CNTLN: variants seen among roughly 807,000 people sequenced by gnomAD.
CNTLN encodes centlein, centrosomal protein.
Under a neutral mutation model 180.0 loss-of-function variants are expected in CNTLN, and 212 were observed. That is an observed-to-expected ratio of 1.18 (90% confidence interval 1.05 to 1.32). The LOEUF (loss-of-function observed/expected upper bound fraction) is 1.32, where lower values mean the gene tolerates loss of function less well. Ranked by LOEUF, CNTLN falls within the 40% of genes most tolerant of loss-of-function variation. The pLI is 0.00. For synonymous variants in CNTLN, 722 were observed against 563.1 expected (o/e 1.28, Z -3.99); for missense variants, 2,095 against 1,610.9 (o/e 1.30, Z -5.14).
At chr9:17,474,270 GA>G (rs1047361351) in intron 23 of CNTLN, among the ~76,000 whole-genome samples, 61 of 151,852 alleles carry the variant, frequency 4.0e-4, no homozygotes, top group African/African-American at 1.4e-3. Context: ...CAAAAAAGTT[GA>G]AAAAAAATTA....
At chr9:17,421,883 A>G (rs1246041793) in intron 18 of CNTLN, among the ~76,000 whole-genome samples, 2 of 152,158 alleles carry the variant, frequency 1.3e-5, no homozygotes, top group African/African-American at 2.4e-5. Context: ...ACTTGATCCA[A>G]TCCCCACTTT....
At position 17,363,741 on chromosome 9, in the gene CNTLN, A is replaced by T. The variant is rs113927419; in HGVS notation, c.1887-2876A>T. ...TTCTACCTTATTTTAGCTCATTCAG[A>T]TATTGCTATGATTGCTTTAGATAAT... On this transcript the variant is annotated intron_variant, in intron 12 of 25. Transcript: ENST00000380647. Among the ~76,000 whole-genome samples, 450 of 152,134 alleles carry T rather than the reference A, an allele frequency of 3.0e-3. 4 individuals carry two copies. The highest frequency in any genetic ancestry group is 0.01 in the African/African-American group (425 of 41,524).
chr9:17,520,437 T>A, the CNTLN span, among the ~76,000 whole-genome samples: 58 of 152,348 alleles, frequency 3.8e-4, 2 homozygotes, highest in Admixed American at 8.5e-4. Flanking sequence ...AGGGAAGCTG[T>A]TCTGGCCACC....
intron 15 of CNTLN, among the ~76,000 whole-genome samples, chr9:17,408,800 TAA>T (rs71331488): frequency 7.0e-6 from 1 of 143,622 alleles, no homozygotes. Flanking sequence ...GACTCTGTCT[TAA>T]AAAAAAAAAA....
chr9:17,366,687 T>C lies in CNTLN; in HGVS notation c.1957T>C (p.Leu653=), dbSNP rs372432585. Residue 653 remains leucine (L), a synonymous_variant, in exon 13 of 26, where the codon TTG becomes CTG. Coordinates refer to ENST00000380647, the MANE Select transcript of CNTLN (RefSeq NM_017738.4). ...TATTGATAAGGCAGCAATACAAGAA[T>C]TGAATAGATGTGTGGCAGAGAGAAG... ...ISIDKAAIQE[L]NRCVAERREE... The C allele has an allele frequency of 1.9e-6, 3 of 1,585,428 alleles. No homozygotes were observed. Among genetic ancestry groups the C allele is most frequent in the African/African-American group, 1.4e-5 (1 of 73,906 alleles).
chr9:17,284,376 T>C (rs1446762599), intron 6 of CNTLN, among the ~76,000 whole-genome samples: 2 of 152,202 alleles, frequency 1.3e-5, no homozygotes, highest in Admixed American at 6.5e-5. Context: ...AATTCAGCTG[T>C]AAATCCACTG....
chr9:17,395,047 T>C lies in CNTLN; in HGVS notation c.2593T>C (p.Trp865Arg). ...GTTTGAGAACCTCAGCAAGGACGGC[T>C]GGGAGGATGTGAGTGAAAGCAGGTA... Reference protein sequence around the residue: ...NVFENLSKDGWEDVSESSSDS... With the variant: ...NVFENLSKDGREDVSESSSDS... Residue 865 changes from tryptophan to arginine, a missense_variant, in exon 15 of 26, where the codon TGG (tryptophan) becomes CGG (arginine). By Grantham distance (101) the Trp-to-Arg change is moderately radical. Transcript: ENST00000380647. 1 of 1,609,280 alleles carries C rather than the reference T, an allele frequency of 6.2e-7. No individual in the cohort carries two copies. Among genetic ancestry groups the C allele is most frequent in the Non-Finnish European group, 8.5e-7 (1 of 1,176,604 alleles).
At chr9:17,338,267 C>T (rs910595269) in intron 10 of CNTLN, among the ~76,000 whole-genome samples, 5 of 150,190 alleles carry the variant, frequency 3.3e-5, no homozygotes, top group South Asian at 2.1e-4. Flanking sequence ...TGGGTTCAAG[C>T]GATTCTCCTT....
At chr9:17,439,623 A>G (rs2134031476) in intron 18 of CNTLN, among the ~76,000 whole-genome samples, 1 of 152,380 alleles carries the variant, frequency 6.6e-6, no homozygotes, top group South Asian at 2.1e-4. Context: ...TCACAGAGCT[A>G]AACATTTTAT....
intron 2 of CNTLN, among the ~76,000 whole-genome samples, chr9:17,150,550 T>C (rs1384575861): frequency 5.3e-5 from 8 of 152,228 alleles, no homozygotes; most frequent in African/African-American, 2.4e-5. Flanking sequence ...TTGGTTACTG[T>C]AGCCTTGAAG....
chr9:17,226,128 T>G, intron 2 of CNTLN, 75 bp from the exon 3 acceptor site: 1 of 695,484 alleles, frequency 1.4e-6, no homozygotes, highest in Non-Finnish European at 2.3e-6. Flanking sequence ...AAAGTGATAT[T>G]AATATTTGGG....
intron 18 of CNTLN, among the ~76,000 whole-genome samples, chr9:17,441,451 G>C (rs151060653): frequency 6.6e-6 from 1 of 152,156 alleles, no homozygotes; most frequent in East Asian, 1.9e-4. Context: ...TGAATATTTT[G>C]TATGTGATTG....
chr9:17,261,969 T>C (rs1468295193), intron 5 of CNTLN, among the ~76,000 whole-genome samples: 1 of 151,240 alleles, frequency 6.6e-6, no homozygotes, highest in African/African-American at 2.5e-5. Context: ...CCAACAAACA[T>C]AGGAAAAAAG....
intron 5 of CNTLN, among the ~76,000 whole-genome samples, chr9:17,249,713 A>T (rs755963035): frequency 6.6e-6 from 1 of 151,482 alleles, no homozygotes; most frequent in African/African-American, 2.4e-5. Flanking sequence ...GTGGATTTCT[A>T]GCTTCATTCC....
At chr9:17,321,278 C>T (rs1819890542) in intron 8 of CNTLN, among the ~76,000 whole-genome samples, 1 of 152,152 alleles carries the variant, frequency 6.6e-6, no homozygotes, top group South Asian at 2.1e-4. Flanking sequence ...ATAATTGAGA[C>T]CTTTTTTTGA....
chr9:17,439,634 T>C (rs1012998971), intron 18 of CNTLN, among the ~76,000 whole-genome samples: 1 of 152,180 alleles, frequency 6.6e-6, no homozygotes, highest in African/African-American at 2.4e-5. Flanking sequence ...AACATTTTAT[T>C]TAAGAATGAG....
intron 24 of CNTLN, among the ~76,000 whole-genome samples, chr9:17,486,042 C>A (rs1832873578): frequency 1.3e-5 from 2 of 152,062 alleles, no homozygotes; most frequent in Non-Finnish European, 2.9e-5. Flanking sequence ...CAAGTCCCTC[C>A]TGAAAGAATA....
rs549702198 is a variant in CNTLN, at chr9:17,166,772, G to A, written c.449+23396G>A. 46 of 300,690 alleles carry A rather than the reference G, an allele frequency of 1.5e-4. 1 individual carries two copies. Among genetic ancestry groups the A allele is most frequent in the South Asian group, 8.1e-4 (26 of 32,162 alleles). 18.6% of individuals were successfully genotyped at this position (300,690 alleles called of 1,614,324 possible). On this transcript the variant is annotated intron_variant, in intron 2 of 25. Transcript: ENST00000380647. The stretch of plus-strand genomic sequence containing the variant: ...TCAAGTTTAAAGTAATAATAAAGAC[G>A]TTTTCTGTAACACATGGTCTCACAT...
At chr9:17,145,140 C>T (rs184651709) in intron 2 of CNTLN, among the ~76,000 whole-genome samples, 286 of 150,554 alleles carry the variant, frequency 1.9e-3, no homozygotes, top group African/African-American at 6.7e-3. Context: ...CGCACCCGGC[C>T]TGGAGAATTT....
Sources: allele counts gnomAD v4.1 joint callset (sites outside exome capture counted in the v4.1 genomes callset), GRCh38; gene constraint gnomAD v4.1.1; transcripts MANE v1.5; gene names NCBI Gene and HGNC (gene_info 2026-07-23, HGNC 2026-07-21).